MFSD8: variants seen among roughly 807,000 people sequenced by gnomAD.
MFSD8 encodes major facilitator superfamily domain containing 8.
Under a neutral mutation model 66.4 loss-of-function variants are expected in MFSD8, and 55 were observed. The observed-to-expected ratio is 0.83, with a 90% CI of 0.67 to 1.04. The LOEUF (loss-of-function observed/expected upper bound fraction) is 1.04. Ranked by LOEUF, MFSD8 falls within the 50% of genes least tolerant of loss-of-function variation. MFSD8 has a pLI of 0.00. For synonymous variants in MFSD8, 202 were observed against 212.8 expected (o/e 0.95, Z 0.44); for missense variants, 550 against 627.6 (o/e 0.88, Z 1.32).
intron 9 of MFSD8, among the ~76,000 whole-genome samples, chr4:127,926,913 G>A (rs928193297): frequency 3.3e-5 from 5 of 152,106 alleles, no homozygotes; most frequent in African/African-American, 1.2e-4. Context: ...AGTGATCTGT[G>A]GTATGATACT....
chr4:127,964,039 A>G (rs1325620887), intron 1 of MFSD8, among the ~76,000 whole-genome samples: 1 of 152,178 alleles, frequency 6.6e-6, no homozygotes, highest in Non-Finnish European at 1.5e-5. Context: ...ACCCTGAGCT[A>G]GACACAGGGT....
At chr4:127,935,263 T>TTTACTCC (rs1256189820) in intron 7 of MFSD8, among the ~76,000 whole-genome samples, 1 of 152,210 alleles carries the variant, frequency 6.6e-6, no homozygotes, top group Non-Finnish European at 1.5e-5. Context: ...GAAGTCAGTC[T>TTTACTCC]TTACTCCTTC....
chr4:127,957,370 G>T, intron 2 of MFSD8, 131 bp downstream of exon 2: 2 of 692,382 alleles, frequency 2.9e-6, no homozygotes, highest in East Asian at 2.7e-5. Flanking sequence ...ATGGTAACAC[G>T]GTAAATTTAT....
rs142139835 is a variant in MFSD8 at position 127,920,203 on chromosome 4, C to G, written c.*427G>C. The G allele has an allele frequency of 2.5e-3, 402 of 158,626 alleles. 4 individuals are homozygous for G. Among genetic ancestry groups the G allele is most frequent in the Admixed American group, 0.019 (311 of 16,252 alleles). The allele number at this position is 158,626 out of a possible 1,614,324, so 9.8% of individuals were successfully genotyped here. On this transcript the variant is annotated 3_prime_UTR_variant, in exon 12 of 12. Transcript: ENST00000641686. ...AGTAGGTGTCTGAATAAAAATACCT[C>G]TACTTGGGTAGAGGTATTTAAAATT...
Position 127,965,135 on chromosome 4 carries a change from GTTACAC to G in MFSD8, c.-8_-3del. The G allele has an allele frequency of 6.2e-7, 1 of 1,614,028 alleles. No homozygotes were observed. Among genetic ancestry groups the G allele is most frequent in the East Asian group, 2.2e-5 (1 of 44,884 alleles). Reference sequence around the variant, plus strand: ...ACTTTCGTTCCGCAGGCCGGCCATAGTTACACTCCCTACAAGGCGTCTTGCGCCCAA... The same window carrying G: ...ACTTTCGTTCCGCAGGCCGGCCATAGTCCCTACAAGGCGTCTTGCGCCCAA... On this transcript the variant is annotated 5_prime_UTR_variant, in exon 1 of 12. Coordinates refer to ENST00000641686, the MANE Select transcript of MFSD8 (RefSeq NM_001371596.2).
intron 9 of MFSD8, among the ~76,000 whole-genome samples, chr4:127,923,344 T>C (rs973532388): frequency 1.1e-4 from 17 of 152,064 alleles, no homozygotes; most frequent in Non-Finnish European, 2.4e-4. Flanking sequence ...GAAGGAGTGT[T>C]GAATTTTATC....
intron 9 of MFSD8, among the ~76,000 whole-genome samples, chr4:127,928,156 ATTCTCT>A (rs1218151656): frequency 6.6e-6 from 1 of 152,262 alleles, no homozygotes; most frequent in East Asian, 1.9e-4. Context: ...GGTTGAAGCG[ATTCTCT>A]TGCCTTAGCC....
At chr4:127,940,732 C>CA (rs1206922054) in intron 5 of MFSD8, among the ~76,000 whole-genome samples, 1 of 145,370 alleles carries the variant, frequency 6.9e-6, no homozygotes, top group East Asian at 1.9e-4. Flanking sequence ...TATGAAGTGG[C>CA]AAAATCTAAT....
intron 1 of MFSD8, among the ~76,000 whole-genome samples, chr4:127,962,058 TA>T (rs1460160853): frequency 1.3e-5 from 2 of 152,012 alleles, no homozygotes; most frequent in African/African-American, 4.8e-5. Context: ...GCAACAACAA[TA>T]AAACAACTGT....
Position 127,965,080 on chromosome 4 carries a change from A to G in MFSD8, c.54T>C (p.Pro18=). ...SEQEPLLGDT[P]GSREWDILET... is the part of the protein sequence containing the mutation. ...CACCAGGATCCGCTCACCTGCTTCC[A>G]GGTGTGTCGCCTAAGAGCGGCTCCT... The change falls in exon 1 of 12, where the codon CCT becomes CCC. Residue 18 remains proline, a synonymous_variant. Coordinates refer to ENST00000641686, the MANE Select transcript of MFSD8 (RefSeq NM_001371596.2). 1 of 1,613,838 alleles carries G rather than the reference A, an allele frequency of 6.2e-7. No homozygotes were observed.
At chr4:127,965,026 C>G (rs1473470142) in intron 1 of MFSD8, 46 bp downstream of exon 1, 1 of 1,604,342 alleles carries the variant, frequency 6.2e-7, no homozygotes, top group Non-Finnish European at 8.5e-7. Context: ...GAACCAGTCC[C>G]AACAGCGCAG....
At chr4:127,950,847 C>T (rs566492753) in intron 2 of MFSD8, among the ~76,000 whole-genome samples, 1 of 151,730 alleles carries the variant, frequency 6.6e-6, no homozygotes, top group Admixed American at 6.6e-5. Context: ...CACTTGAGGC[C>T]AGGAGTTTGA....
At chr4:127,942,468 G>A (rs963247525) in intron 4 of MFSD8, among the ~76,000 whole-genome samples, 19 of 152,054 alleles carry the variant, frequency 1.2e-4, no homozygotes, top group African/African-American at 4.3e-4. Context: ...GTTGAGGTAG[G>A]TGGATCATTT....
At chr4:127,948,822 C>T (rs1325983175) in intron 3 of MFSD8, among the ~76,000 whole-genome samples, 1 of 152,194 alleles carries the variant, frequency 6.6e-6, no homozygotes, top group African/African-American at 2.4e-5. Flanking sequence ...TTCGGAGAGT[C>T]CCCACCAGCA....
At chr4:127,924,515 T>C (rs1736877668) in intron 9 of MFSD8, among the ~76,000 whole-genome samples, 1 of 152,070 alleles carries the variant, frequency 6.6e-6, no homozygotes, top group Non-Finnish European at 1.5e-5. Context: ...ATAAAATATC[T>C]AGGAATACAA....
chr4:127,931,750 G>C (rs1738169289), intron 8 of MFSD8, among the ~76,000 whole-genome samples: 1 of 152,182 alleles, frequency 6.6e-6, no homozygotes, highest in Non-Finnish European at 1.5e-5. Flanking sequence ...GAAATAGCTA[G>C]TGGTCATGGT....
intron 8 of MFSD8, chr4:127,932,535 TGA>T (rs1413860616): frequency 6.6e-6 from 1 of 152,374 alleles, no homozygotes; most frequent in Non-Finnish European, 1.5e-5. Context: ...AACAGCCATA[TGA>T]TAAAGGTCAA....
At chr4:127,956,785 T>G (rs1742956657) in intron 2 of MFSD8, among the ~76,000 whole-genome samples, 1 of 135,274 alleles carries the variant, frequency 7.4e-6, no homozygotes, top group Admixed American at 8.4e-5. Context: ...GCCATTGCAC[T>G]CCAGCCTGGG....
intron 9 of MFSD8, among the ~76,000 whole-genome samples, chr4:127,924,173 T>C (rs1184616894): frequency 1.3e-5 from 2 of 152,146 alleles, no homozygotes; most frequent in Non-Finnish European, 2.9e-5. Flanking sequence ...TCTCAGAACT[T>C]ATTATTGGTC....
Sources: allele counts gnomAD v4.1 joint callset (sites outside exome capture counted in the v4.1 genomes callset), GRCh38; gene constraint gnomAD v4.1.1; transcripts MANE v1.5; gene names NCBI Gene and HGNC (gene_info 2026-07-23, HGNC 2026-07-21).